The following DYNC2I1 variants were observed in gnomAD, a reference collection of about 807,000 sequenced individuals.
The protein encoded by DYNC2I1 is cytoplasmic dynein 2 intermediate chain 1.
Under a neutral mutation model 133.4 loss-of-function variants are expected in DYNC2I1, and 89 were observed. The ratio of observed to expected loss-of-function variants is 0.67; its 90% confidence interval spans 0.56 to 0.80. The LOEUF (loss-of-function observed/expected upper bound fraction) is 0.80, where lower values mean the gene tolerates loss of function less well. DYNC2I1 is among the 30% of genes least tolerant of loss of function. The pLI, the probability that DYNC2I1 is intolerant of heterozygous loss-of-function variation, is 0.00. For missense variants in DYNC2I1, 1,291 were observed against 1,314.5 expected (o/e 0.98, Z 0.28); for synonymous variants, 504 against 484.3 (o/e 1.04, Z -0.54).
At chr7:158,891,613 A>G (rs10269578) in intron 8 of DYNC2I1, among the ~76,000 whole-genome samples, 3,187 of 152,160 alleles carry the variant, frequency 0.021, 108 homozygotes, top group African/African-American at 0.073. Context: ...TCTTCCTGGA[A>G]GAGGAGAGGA....
At chr7:158,884,901 C>T (rs369257371) in intron 6 of DYNC2I1, among the ~76,000 whole-genome samples, 2 of 151,722 alleles carry the variant, frequency 1.3e-5, no homozygotes, top group East Asian at 3.9e-4. Context: ...GTATTTATTG[C>T]CTCAGGATCT....
intron 1 of DYNC2I1, among the ~76,000 whole-genome samples, chr7:158,860,524 G>A (rs1841777326): frequency 6.6e-6 from 1 of 152,072 alleles, no homozygotes; most frequent in African/African-American, 2.4e-5. Flanking sequence ...AAACTTAATG[G>A]TACCTTTGCA....
chr7:158,922,580 A>T, intron 16 of DYNC2I1, 31 bp downstream of exon 16: 1 of 1,599,870 alleles, frequency 6.3e-7, no homozygotes, highest in Admixed American at 1.7e-5. Flanking sequence ...CGCACGTTTG[A>T]TGGGAGGATG....
chr7:158,854,460 A>G (rs541765900), upstream of DYNC2I1, among the ~76,000 whole-genome samples: 1 of 140,038 alleles, frequency 7.1e-6, no homozygotes, highest in South Asian at 2.5e-4. Flanking sequence ...ATGAGAACAC[A>G]TGGACACAGG....
chr7:158,896,143 G>C (rs1845740269), intron 8 of DYNC2I1, among the ~76,000 whole-genome samples: 1 of 152,160 alleles, frequency 6.6e-6, no homozygotes, highest in Admixed American at 6.5e-5. Context: ...CTGACACGGA[G>C]TGGTGAGATG....
At chr7:158,946,763 A>C (rs1851898087), downstream of DYNC2I1, among the ~76,000 whole-genome samples, 1 of 152,244 alleles carries the variant, frequency 6.6e-6, no homozygotes, top group Non-Finnish European at 1.5e-5. Flanking sequence ...ACAAACACCC[A>C]TCCCTCTGTC....
At chr7:158,839,901 G>A in the DYNC2I1 span, among the ~76,000 whole-genome samples, 1 of 151,970 alleles carries the variant, frequency 6.6e-6, no homozygotes, top group Non-Finnish European at 1.5e-5. Flanking sequence ...TCTCGCGGCA[G>A]CCCCAGCCTC....
At chr7:158,848,964 T>C in the DYNC2I1 span, among the ~76,000 whole-genome samples, 1 of 151,868 alleles carries the variant, frequency 6.6e-6, no homozygotes. Context: ...ACCCCTGCTG[T>C]TCCCCCAGCA....
chr7:158,908,468 T>C (rs1391423153), intron 11 of DYNC2I1, among the ~76,000 whole-genome samples: 3 of 152,232 alleles, frequency 2.0e-5, no homozygotes, highest in Non-Finnish European at 4.4e-5. Context: ...TGGGAAAATA[T>C]ATTTGTAAAA....
At chr7:158,947,012 G>A (rs747133432), downstream of DYNC2I1, among the ~76,000 whole-genome samples, 12 of 152,216 alleles carry the variant, frequency 7.9e-5, no homozygotes, top group Admixed American at 5.2e-4. Flanking sequence ...CCGAGCAACC[G>A]CCAGCCTTTC....
intron 23 of DYNC2I1, among the ~76,000 whole-genome samples, chr7:158,936,553 C>A (rs1850775970): frequency 6.6e-6 from 1 of 152,358 alleles, no homozygotes; most frequent in East Asian, 1.9e-4. Flanking sequence ...CCTGTCCCTG[C>A]CTCAGCCCAT....
intron 20 of DYNC2I1, among the ~76,000 whole-genome samples, chr7:158,928,157 C>T (rs937054030): frequency 3.3e-5 from 5 of 152,284 alleles, no homozygotes; most frequent in Middle Eastern, 3.4e-3. Context: ...TAGCACCTCT[C>T]ACAGGTGGCT....
chr7:158,839,667 A>G, the DYNC2I1 span, among the ~76,000 whole-genome samples: 1 of 152,206 alleles, frequency 6.6e-6, no homozygotes, highest in Non-Finnish European at 1.5e-5. Flanking sequence ...AAAATACAAA[A>G]AAATTAGCAG....
rs201649000 is a variant in DYNC2I1, at chr7:158,887,070, C to T, written c.985C>T (p.Arg329Trp). 92 of 1,613,658 alleles carry T rather than the reference C, an allele frequency of 5.7e-5. No individual in the cohort carries two copies. The Admixed American group carries it at 1.1e-3, about 20-fold the overall frequency. Residue 329 changes from arginine to tryptophan, a missense_variant, in exon 7 of 25, where the codon CGG (arginine) becomes TGG (tryptophan). Physicochemically the swap from Arg to Trp is moderately radical, Grantham distance 101. Transcript: ENST00000407559. ...TCATGGAAAAGATAAAGATTCAAGA[C>T]GGAAGGTAAGGCAGTCTCCACTGAG... ...RNHGKDKDSR[R>W]KHGHEEGSSV...
At chr7:158,918,650 G>GAT in intron 14 of DYNC2I1, 90 bp from the exon 15 acceptor site, 5 of 1,483,592 alleles carry the variant, frequency 3.4e-6, no homozygotes, top group African/African-American at 1.4e-5. Context: ...GTTATTTGCA[G>GAT]ATATGGATAA....
intron 1 of DYNC2I1, among the ~76,000 whole-genome samples, chr7:158,857,795 T>C (rs1480167571): frequency 2.0e-5 from 1 of 50,342 alleles, no homozygotes; most frequent in Non-Finnish European, 3.4e-5. Context: ...CCCGGCCTTT[T>C]TTTTTTTTTT....
At position 158,920,251 on chromosome 7, in the gene DYNC2I1, T is replaced by C. The variant is rs10267924; in HGVS notation, c.1921+1382T>C. ...CGCCGGGCCTCCATCAGGGAACACATGAAGTGTGTGTGTGTACCACAGCGT... is the reference window on the plus strand; with the variant it reads ...CGCCGGGCCTCCATCAGGGAACACACGAAGTGTGTGTGTGTACCACAGCGT... On this transcript the variant is annotated intron_variant, in intron 15 of 24. Coordinates refer to ENST00000407559, the MANE Select transcript of DYNC2I1 (RefSeq NM_018051.5). 3.3e-3 allele frequency among the ~76,000 whole-genome samples: 490 copies of C among 148,946 alleles called. 6 individuals carry two copies. Among genetic ancestry groups the C allele is most frequent in the African/African-American group, 0.011 (444 of 39,942 alleles).
At chr7:158,844,380 T>C in the DYNC2I1 span, among the ~76,000 whole-genome samples, 4 of 152,070 alleles carry the variant, frequency 2.6e-5, no homozygotes, top group African/African-American at 9.7e-5. Flanking sequence ...CAGATGTCAC[T>C]ACTGACCCTG....
At chr7:158,868,473 G>A (rs1309327494) in intron 1 of DYNC2I1, among the ~76,000 whole-genome samples, 2 of 152,326 alleles carry the variant, frequency 1.3e-5, no homozygotes, top group East Asian at 3.9e-4. Flanking sequence ...AAACACTTTC[G>A]CAGTAGAAAC....
Sources: allele counts gnomAD v4.1 joint callset (sites outside exome capture counted in the v4.1 genomes callset), GRCh38; gene constraint gnomAD v4.1.1; transcripts MANE v1.5; gene names NCBI Gene and HGNC (gene_info 2026-07-23, HGNC 2026-07-21).